MAGI1: variants seen among roughly 807,000 people sequenced by gnomAD.
The protein encoded by MAGI1 is membrane associated guanylate kinase, WW and PDZ domain containing 1.
A neutral mutation model predicts 139.9 loss-of-function variants in MAGI1; 58 were observed. That is an observed-to-expected ratio of 0.41 (90% CI 0.34 to 0.52). The LOEUF is 0.52. MAGI1 is among the 20% of genes least tolerant of loss of function. The pLI is 0.12. For synonymous variants in MAGI1, 812 were observed against 737.9 expected (o/e 1.10, Z -1.63); for missense variants, 1,874 against 1,901.6 (o/e 0.99, Z 0.27).
At chr3:65,558,189 C>A (rs2080176654) in intron 2 of MAGI1, among the ~76,000 whole-genome samples, 1 of 139,896 alleles carries the variant, frequency 7.1e-6, no homozygotes. Flanking sequence ...GCTATCAATA[C>A]CCAATCAGGA....
intron 1 of MAGI1, among the ~76,000 whole-genome samples, chr3:65,962,824 CGG>C (rs11296649): frequency 1.8e-5 from 2 of 111,646 alleles, no homozygotes; most frequent in African/African-American, 7.5e-5. Context: ...GACTCTGTCT[CGG>C]GGGGAAAAAA....
In MAGI1 at chr3:65,605,454, G is replaced by A. The variant is rs549538508; in HGVS notation, c.430+16518C>T. ...AATTATAGATTTGATACTTGCTGGG[G>A]AGTATGATATGAAAGTAATTGTGCT... On this transcript the variant is annotated intron_variant, in intron 2 of 22. Coordinates refer to ENST00000402939, the MANE Select transcript of MAGI1 (RefSeq NM_001033057.2). 8.3e-4 allele frequency among the ~76,000 whole-genome samples: 126 copies of A among 152,308 alleles called. 1 individual carries two copies. Among genetic ancestry groups the A allele is most frequent in the Admixed American group, 1.2e-3 (18 of 15,298 alleles).
chr3:65,467,232 T>C (rs555914395), intron 5 of MAGI1, among the ~76,000 whole-genome samples: 2 of 152,356 alleles, frequency 1.3e-5, no homozygotes, highest in Non-Finnish European at 2.9e-5. Flanking sequence ...AATGTTCTTT[T>C]AAATTTCTAC....
chr3:65,509,690 C>A (rs1331106761), intron 2 of MAGI1, among the ~76,000 whole-genome samples: 1 of 152,130 alleles, frequency 6.6e-6, no homozygotes, highest in Non-Finnish European at 1.5e-5. Context: ...GCACAGCAGT[C>A]TGAGATCAAA....
At chr3:65,704,339 G>A (rs1049709124) in intron 1 of MAGI1, among the ~76,000 whole-genome samples, 8 of 152,104 alleles carry the variant, frequency 5.3e-5, no homozygotes, top group African/African-American at 1.9e-4. Flanking sequence ...GTTACCAAAT[G>A]AGCACCAGCC....
At chr3:65,863,509 G>A (rs1382192904) in intron 1 of MAGI1, among the ~76,000 whole-genome samples, 1 of 152,170 alleles carries the variant, frequency 6.6e-6, no homozygotes, top group Non-Finnish European at 1.5e-5. Context: ...ATGACTACTT[G>A]GCCTCAAATA....
At chr3:65,885,631 A>C (rs774024236) in intron 1 of MAGI1, among the ~76,000 whole-genome samples, 3 of 152,184 alleles carry the variant, frequency 2.0e-5, no homozygotes, top group East Asian at 1.9e-4. Context: ...GTGAATAAGT[A>C]TCATGAGATC....
intron 1 of MAGI1, among the ~76,000 whole-genome samples, chr3:65,963,445 G>A (rs762784370): frequency 9.2e-5 from 14 of 151,890 alleles, no homozygotes; most frequent in African/African-American, 3.4e-4. Context: ...GTGAAACCCC[G>A]TCTCTACTAA....
At chr3:65,851,458 C>A (rs1053480664) in intron 1 of MAGI1, among the ~76,000 whole-genome samples, 5 of 151,970 alleles carry the variant, frequency 3.3e-5, no homozygotes, top group Admixed American at 6.6e-5. Context: ...AAAAAAAAAT[C>A]TGTTAGGTTG....
chr3:65,557,542 T>C (rs1319549321), intron 2 of MAGI1, among the ~76,000 whole-genome samples: 1 of 152,204 alleles, frequency 6.6e-6, no homozygotes, highest in East Asian at 1.9e-4. Context: ...TCGTTTTAGC[T>C]TTCTCAGTAA....
At chr3:65,751,065 T>C (rs2036108561) in intron 1 of MAGI1, among the ~76,000 whole-genome samples, 1 of 152,232 alleles carries the variant, frequency 6.6e-6, no homozygotes, top group South Asian at 2.1e-4. Flanking sequence ...TTGACCCAGC[T>C]AATGTGTTTA....
intron 1 of MAGI1, among the ~76,000 whole-genome samples, chr3:65,728,170 G>T (rs539232107): frequency 3.3e-5 from 5 of 152,196 alleles, no homozygotes; most frequent in Non-Finnish European, 5.9e-5. Flanking sequence ...CTGGGACCAT[G>T]AGAAGGCATC....
At chr3:65,474,881 T>G (rs1950782568) in intron 4 of MAGI1, among the ~76,000 whole-genome samples, 1 of 152,174 alleles carries the variant, frequency 6.6e-6, no homozygotes, top group Admixed American at 6.5e-5. Context: ...GTGGCAGCTC[T>G]GACCCTCCCT....
chr3:65,841,150 A>G (rs1029879390), intron 1 of MAGI1, among the ~76,000 whole-genome samples: 15 of 152,192 alleles, frequency 9.9e-5, no homozygotes, highest in African/African-American at 3.6e-4. Context: ...TATTTTTTAT[A>G]TTAATAATTT....
At chr3:65,816,452 C>T (rs556013834) in intron 1 of MAGI1, among the ~76,000 whole-genome samples, 1 of 152,238 alleles carries the variant, frequency 6.6e-6, no homozygotes, top group Non-Finnish European at 1.5e-5. Context: ...CTGTACTGGA[C>T]AGCACAGCTG....
intron 1 of MAGI1, among the ~76,000 whole-genome samples, chr3:65,658,329 A>T (rs912153093): frequency 2.0e-5 from 3 of 152,190 alleles, no homozygotes; most frequent in African/African-American, 7.2e-5. Context: ...CAGTACAGGA[A>T]CAAAACTTCC....
At chr3:65,493,457 C>T (rs1287062998) in intron 3 of MAGI1, 55 bp downstream of exon 3, 2 of 1,609,430 alleles carry the variant, frequency 1.2e-6, no homozygotes, top group South Asian at 1.1e-5. Context: ...ATGGCTCTGG[C>T]TCCTCTCAAG....
chr3:65,862,567 C>T (rs921949590), intron 1 of MAGI1, among the ~76,000 whole-genome samples: 4 of 152,182 alleles, frequency 2.6e-5, no homozygotes, highest in African/African-American at 9.7e-5. Flanking sequence ...TCACATGTAA[C>T]GTGGTGGGAC....
chr3:65,548,511 C>CTTTTTTTTTTTTTTTTTTTTTTTTT (rs1170215972), intron 2 of MAGI1, among the ~76,000 whole-genome samples: 6 of 87,388 alleles, frequency 6.9e-5, no homozygotes, highest in African/African-American at 1.9e-4. Context: ...AAACAACACT[C>CTTTTTTTTTTTTTTTTTTTTTTTTT]TTTTTTTTTT....
Sources: gnomAD v4.1 joint callset for allele counts (sites outside exome capture counted in the v4.1 genomes callset) on GRCh38, gnomAD v4.1.1 for gene constraint, MANE v1.5 for transcripts, NCBI Gene and HGNC (gene_info 2026-07-23, HGNC 2026-07-21) for gene names.